Variants in ATP13A4 observed in about 807,000 individuals in gnomAD.
The protein encoded by ATP13A4 is ATPase 13A4, also known as probable cation-transporting ATPase 13A4.
Under a neutral mutation model 142.5 loss-of-function variants are expected in ATP13A4, and 114 were observed. That is an observed-to-expected ratio of 0.80 (90% confidence interval 0.69 to 0.93). ATP13A4 has a LOEUF of 0.93. Among genes scored for constraint, ATP13A4 ranks in the 40% least tolerant of loss-of-function variants. The pLI, the probability that ATP13A4 is intolerant of heterozygous loss-of-function variation, is 0.00. For missense variants in ATP13A4, 1,392 were observed against 1,454.0 expected (o/e 0.96, Z 0.69); for synonymous variants, 488 against 514.8 (o/e 0.95, Z 0.70).
intron 2 of ATP13A4, among the ~76,000 whole-genome samples, chr3:193,577,799 C>T (rs939454690): frequency 6.6e-6 from 1 of 152,176 alleles, no homozygotes; most frequent in Non-Finnish European, 1.5e-5. Flanking sequence ...CTCTATGTTG[C>T]AATCTAACAT....
rs79054163 is a variant in ATP13A4 at position 193,484,432 on chromosome 3, G to C, written c.739-427C>G. 5.8e-3 allele frequency among the ~76,000 whole-genome samples: 887 copies of C among 152,162 alleles called. 14 individuals carry two copies. In the East Asian group the frequency reaches 0.063, roughly 11 times the overall value. On this transcript the variant is annotated intron_variant, in intron 7 of 29. Transcript: ENST00000342695. ...ATGAAATATGTGGGATATTGAGAGTGAGTCAGTAACAGAAACAAACAAAAA... is the reference window on the plus strand; with the variant it reads ...ATGAAATATGTGGGATATTGAGAGTCAGTCAGTAACAGAAACAAACAAAAA...
chr3:193,566,238 G>A (rs1046012278), intron 2 of ATP13A4, among the ~76,000 whole-genome samples: 6 of 152,022 alleles, frequency 3.9e-5, no homozygotes, highest in Non-Finnish European at 5.9e-5. Context: ...CCACTTTCCC[G>A]TATTGAATTT....
chr3:193,543,284 T>C (rs1203958323), intron 1 of ATP13A4, among the ~76,000 whole-genome samples: 1 of 151,826 alleles, frequency 6.6e-6, no homozygotes, highest in Non-Finnish European at 1.5e-5. Flanking sequence ...AATTCATAAA[T>C]GGGATCTAAT....
At chr3:193,549,654 A>G (rs910488834) in intron 1 of ATP13A4, among the ~76,000 whole-genome samples, 2 of 152,060 alleles carry the variant, frequency 1.3e-5, no homozygotes, top group Admixed American at 1.3e-4. Context: ...ACATGGTGAA[A>G]CCCTCTCTCT....
chr3:193,566,004 T>C (rs561684940), intron 2 of ATP13A4, among the ~76,000 whole-genome samples: 15 of 152,170 alleles, frequency 9.9e-5, no homozygotes, highest in Non-Finnish European at 1.8e-4. Flanking sequence ...TGCCAGGCCA[T>C]GAGACTATCA....
At chr3:193,537,395 C>T (rs890518953) in intron 1 of ATP13A4, among the ~76,000 whole-genome samples, 4 of 152,030 alleles carry the variant, frequency 2.6e-5, no homozygotes, top group Admixed American at 2.0e-4. Context: ...CAAAAATGCC[C>T]TCAACTTAAG....
chr3:193,558,554 A>T (rs1157303708), upstream of ATP13A4, among the ~76,000 whole-genome samples: 1 of 152,230 alleles, frequency 6.6e-6, no homozygotes, highest in Admixed American at 6.5e-5. Context: ...CCAAAATATA[A>T]ATTCCACATA....
At chr3:193,573,268 TATATATAC>T (rs1391611946) in intron 2 of ATP13A4, among the ~76,000 whole-genome samples, 2 of 98,532 alleles carry the variant, frequency 2.0e-5, no homozygotes, top group South Asian at 6.0e-4. Context: ...GCCATATATA[TATATATAC>T]ATATATATAT....
chr3:193,477,978 T>C (rs1265994887), intron 8 of ATP13A4, among the ~76,000 whole-genome samples: 1 of 151,786 alleles, frequency 6.6e-6, no homozygotes, highest in Non-Finnish European at 1.5e-5. Flanking sequence ...TCAGAAAAAA[T>C]GTGTAAGACC....
At chr3:193,441,290 T>C (rs1716625829) in intron 20 of ATP13A4, among the ~76,000 whole-genome samples, 176 bp downstream of exon 20, 1 of 152,184 alleles carries the variant, frequency 6.6e-6, no homozygotes, top group Non-Finnish European at 1.5e-5. Context: ...TTATTTCAAA[T>C]CTAGTAGGAA....
chr3:193,459,218 G>T lies in ATP13A4; in HGVS notation c.1537C>A (p.His513Asn). Reference sequence around the variant, plus strand: ...AAAGCCTGGCCTGAGGCAAAGCTGTGAACTTCCTGAAAGCTTAAGGAGAAA... The same window carrying T: ...AAAGCCTGGCCTGAGGCAAAGCTGTTAACTTCCTGAAAGCTTAAGGAGAAA... ...SCDRNGFQEVHSFASGQALPW... is the reference protein window; with the variant it reads ...SCDRNGFQEVNSFASGQALPW... Residue 513 changes from histidine (H) to asparagine (N), a missense_variant, in exon 14 of 30, where the codon CAC becomes AAC. His to Asn is a moderately conservative substitution (Grantham distance 68). Coordinates refer to ENST00000342695, the MANE Select transcript of ATP13A4 (RefSeq NM_032279.4). The T allele has an allele frequency of 6.2e-7, 1 of 1,614,218 alleles. No individual in the cohort carries two copies.
chr3:193,589,187 T>C (rs1255981885), intron 1 of ATP13A4, among the ~76,000 whole-genome samples: 1 of 152,058 alleles, frequency 6.6e-6, no homozygotes, highest in Non-Finnish European at 1.5e-5. Context: ...TATATGTGTG[T>C]GTGTGTGTGT....
intron 1 of ATP13A4, among the ~76,000 whole-genome samples, chr3:193,542,270 G>A (rs1430354435): frequency 6.6e-6 from 1 of 152,154 alleles, no homozygotes; most frequent in Non-Finnish European, 1.5e-5. Flanking sequence ...AACAAGGGAA[G>A]TGAAGAATCT....
At chr3:193,562,764 G>A (rs983436619) in intron 2 of ATP13A4, among the ~76,000 whole-genome samples, 4 of 152,224 alleles carry the variant, frequency 2.6e-5, no homozygotes, top group East Asian at 1.9e-4. Flanking sequence ...CCAGCTACTC[G>A]GGAGGCTGAG....
rs1306475121 is a variant in ATP13A4, at chr3:193,418,683, C to T, written c.2843-3933G>A. ...CCTGGACACCTACAGTCCTCACAGGCACTGAACCAGCTGAGGGAGTTGCCT... is the reference window on the plus strand; with the variant it reads ...CCTGGACACCTACAGTCCTCACAGGTACTGAACCAGCTGAGGGAGTTGCCT... On this transcript the variant is annotated intron_variant, in intron 25 of 29. Coordinates refer to ENST00000342695, the MANE Select transcript of ATP13A4 (RefSeq NM_032279.4). Among the ~76,000 whole-genome samples the T allele has an allele frequency of 1.3e-5, 2 of 149,992 alleles. 1 individual carries two copies. The highest frequency in any genetic ancestry group is 4.2e-4 in the South Asian group (2 of 4,764).
intron 9 of ATP13A4, 87 bp from the exon 10 acceptor site, chr3:193,467,573 AT>A (rs1234029859): frequency 1.7e-4 from 238 of 1,397,062 alleles, no homozygotes; most frequent in Non-Finnish European, 2.1e-4. Context: ...TACAACAGAC[AT>A]TTTTTTTGTG....
At chr3:193,480,012 T>C (rs1719197494) in intron 8 of ATP13A4, among the ~76,000 whole-genome samples, 1 of 151,934 alleles carries the variant, frequency 6.6e-6, no homozygotes, top group African/African-American at 2.4e-5. Flanking sequence ...AAACAAGTGG[T>C]GAAAGGTCAC....
chr3:193,525,874 C>A (rs1292478504), intron 1 of ATP13A4, among the ~76,000 whole-genome samples: 1 of 152,146 alleles, frequency 6.6e-6, no homozygotes, highest in African/African-American at 2.4e-5. Context: ...CCCTGTTGAG[C>A]TAGTCTGGAA....
intron 1 of ATP13A4, among the ~76,000 whole-genome samples, chr3:193,589,118 C>T (rs1420079592): frequency 1.3e-5 from 2 of 151,824 alleles, no homozygotes; most frequent in African/African-American, 2.4e-5. Flanking sequence ...CCAGCCTGGG[C>T]GACAAAGTGA....
Sources: gnomAD v4.1 joint callset for allele counts (sites outside exome capture counted in the v4.1 genomes callset) on GRCh38, gnomAD v4.1.1 for gene constraint, MANE v1.5 for transcripts, NCBI Gene and HGNC (gene_info 2026-07-23, HGNC 2026-07-21) for gene names.